The following ZDHHC7 variants were observed in gnomAD, a reference collection of about 807,000 sequenced individuals.
ZDHHC7 encodes the protein zDHHC palmitoyltransferase 7, also known as palmitoyltransferase ZDHHC7.
A neutral mutation model predicts 34.1 loss-of-function variants in ZDHHC7; 12 were observed. The ratio of observed to expected loss-of-function variants is 0.35; its 90% CI spans 0.23 to 0.57. The LOEUF (loss-of-function observed/expected upper bound fraction) is 0.57. ZDHHC7 is among the 20% of genes least tolerant of loss of function. The probability of loss-of-function intolerance (pLI) is 0.84; values close to 1 mark genes in which losing one functional copy is unlikely to be tolerated. For missense variants in ZDHHC7, 388 were observed against 402.7 expected (o/e 0.96, Z 0.31); for synonymous variants, 185 against 155.4 (o/e 1.19, Z -1.42).
upstream of ZDHHC7, among the ~76,000 whole-genome samples, chr16:85,012,483 T>C (rs190529160): frequency 5.3e-5 from 8 of 151,948 alleles, no homozygotes; most frequent in African/African-American, 1.9e-4. Context: ...TCATTAATGA[T>C]GGTATATATA....
At chr16:85,005,596 T>G (rs1182031067) in intron 1 of ZDHHC7, among the ~76,000 whole-genome samples, 1 of 152,216 alleles carries the variant, frequency 6.6e-6, no homozygotes, top group Non-Finnish European at 1.5e-5. Context: ...TAAAATACAC[T>G]GGCTTCCAGA....
At chr16:85,025,367 A>G in the ZDHHC7 span, among the ~76,000 whole-genome samples, 1 of 151,648 alleles carries the variant, frequency 6.6e-6, no homozygotes, top group East Asian at 1.9e-4. Context: ...GTGCCCCTGG[A>G]TCCTGCTGAG....
chr16:84,986,125 T>C (rs969232169), intron 3 of ZDHHC7, among the ~76,000 whole-genome samples: 2 of 151,644 alleles, frequency 1.3e-5, no homozygotes, highest in East Asian at 3.9e-4. Flanking sequence ...AAAGAATGAG[T>C]GAGATTTAGG....
chr16:85,026,148 A>C, the ZDHHC7 span, among the ~76,000 whole-genome samples: 2 of 152,170 alleles, frequency 1.3e-5, no homozygotes, highest in Non-Finnish European at 2.9e-5. Flanking sequence ...AATTCTCCCA[A>C]ACAGCTGGTA....
At chr16:85,011,047 C>T (rs1473486121) in intron 1 of ZDHHC7, among the ~76,000 whole-genome samples, 2 of 152,246 alleles carry the variant, frequency 1.3e-5, no homozygotes, top group East Asian at 1.9e-4. Flanking sequence ...AGGCAAAAAG[C>T]TGGGGCTGCA....
chr16:84,982,103 G>C, intron 3 of ZDHHC7, 109 bp from the exon 4 acceptor site: 1 of 1,450,116 alleles, frequency 6.9e-7, no homozygotes, highest in Non-Finnish European at 9.4e-7. Flanking sequence ...AGGCTGAGGC[G>C]GGTGGATCAC....
intron 1 of ZDHHC7, among the ~76,000 whole-genome samples, chr16:84,999,745 T>A (rs578017961): frequency 2.0e-5 from 3 of 152,130 alleles, no homozygotes; most frequent in African/African-American, 7.2e-5. Flanking sequence ...ACATTGTAAG[T>A]TGACAGACAT....
chr16:85,004,082 G>A (rs942063763), intron 1 of ZDHHC7, among the ~76,000 whole-genome samples: 4 of 151,948 alleles, frequency 2.6e-5, no homozygotes, highest in Admixed American at 1.3e-4. Context: ...CCCTAAGGGC[G>A]TCTATCCAAC....
At chr16:84,981,384 C>T (rs1400701886) in intron 4 of ZDHHC7, among the ~76,000 whole-genome samples, 2 of 152,210 alleles carry the variant, frequency 1.3e-5, no homozygotes, top group Non-Finnish European at 2.9e-5. Context: ...CCAAAAGAAC[C>T]TTGCTTCTAC....
the ZDHHC7 span, among the ~76,000 whole-genome samples, chr16:85,019,945 C>T: frequency 6.6e-6 from 1 of 152,184 alleles, no homozygotes; most frequent in Non-Finnish European, 1.5e-5. Context: ...CTCACTTCAT[C>T]CTCACCACCC....
At chr16:85,003,890 C>A (rs557827656) in intron 1 of ZDHHC7, among the ~76,000 whole-genome samples, 6 of 152,208 alleles carry the variant, frequency 3.9e-5, no homozygotes, top group Admixed American at 2.0e-4. Context: ...TTCCCCCTAG[C>A]CACACCCGGT....
chr16:85,021,949 G>A, the ZDHHC7 span, among the ~76,000 whole-genome samples: 1 of 151,472 alleles, frequency 6.6e-6, no homozygotes, highest in African/African-American at 2.4e-5. Flanking sequence ...GAGGTCAGGA[G>A]ATCGGGACCA....
At chr16:84,978,638 G>A (rs765772327) in intron 5 of ZDHHC7, among the ~76,000 whole-genome samples, 29 of 152,010 alleles carry the variant, frequency 1.9e-4, no homozygotes, top group South Asian at 1.7e-3. Context: ...CGAGGTGGGC[G>A]GATCGCCTGA....
chr16:84,976,229 G>T lies in ZDHHC7; in HGVS notation c.*114C>A. 7.5e-7 allele frequency: 1 copy of T among 1,327,838 alleles called. No homozygotes were observed. The highest frequency in any genetic ancestry group is 1.0e-6 in the Non-Finnish European group (1 of 955,514). The allele number at this position is 1,327,838 out of a possible 1,614,324, so 82.3% of individuals were successfully genotyped here. A position where few individuals can be genotyped will look rare whatever the true frequency, so the allele number is the denominator to read the frequency against. ...AAAACTCTGCTTGCTGCAAGCAATT[G>T]GTTTGTGTAGGTTCCAGTTGCCCTG... On this transcript the variant is annotated 3_prime_UTR_variant, in exon 8 of 8. Coordinates refer to ENST00000313732, the MANE Select transcript of ZDHHC7 (RefSeq NM_017740.3).
At position 84,977,863 on chromosome 16, in the gene ZDHHC7, T is replaced by TTC. The variant is rs1438868135; in HGVS notation, c.619+59_619+60dup. On this transcript the variant is annotated intron_variant, in intron 6 of 7. Transcript: ENST00000313732. ...GAAAACTGGTTCTTCCTTTAAAGCTTTCCCCTTTCATCCAATAACAGCATG... is the reference window on the plus strand; with the variant it reads ...GAAAACTGGTTCTTCCTTTAAAGCTTTCTCCCCTTTCATCCAATAACAGCATG... 6.7e-6 allele frequency: 9 copies of TTC among 1,339,432 alleles called. No homozygotes were observed. The East Asian group carries it at 2.1e-4, about 31-fold the overall frequency. 83.0% of individuals were successfully genotyped at this position (1,339,432 alleles called of 1,614,324 possible).
At chr16:84,984,968 G>T (rs189682280) in intron 3 of ZDHHC7, among the ~76,000 whole-genome samples, 1 of 152,172 alleles carries the variant, frequency 6.6e-6, no homozygotes, top group Non-Finnish European at 1.5e-5. Flanking sequence ...GCACCCATGG[G>T]GCATTCTTCT....
At chr16:85,012,819 C>A (rs180703611), upstream of ZDHHC7, among the ~76,000 whole-genome samples, 468 of 152,134 alleles carry the variant, frequency 3.1e-3, 3 homozygotes, top group African/African-American at 0.011. Context: ...GCAGGAGAAA[C>A]CGCTTGAGAA....
At chr16:84,978,598 C>A (rs760133292) in intron 5 of ZDHHC7, among the ~76,000 whole-genome samples, 35 of 151,862 alleles carry the variant, frequency 2.3e-4, no homozygotes, top group Non-Finnish European at 4.3e-4. Context: ...CACGGTGGCT[C>A]ACGACTGTAA....
chr16:84,978,856 C>G (rs1215316453), intron 5 of ZDHHC7, among the ~76,000 whole-genome samples: 1 of 141,608 alleles, frequency 7.1e-6, no homozygotes, highest in Non-Finnish European at 1.5e-5. Flanking sequence ...GAGCAAAACT[C>G]CATCTCAAAA....
Sources: allele counts gnomAD v4.1 joint callset (sites outside exome capture counted in the v4.1 genomes callset), GRCh38; gene constraint gnomAD v4.1.1; transcripts MANE v1.5; gene names NCBI Gene and HGNC (gene_info 2026-07-23, HGNC 2026-07-21).